BCL2L13: variants seen among roughly 807,000 people sequenced by gnomAD.
BCL2L13 encodes the protein BCL2 like 13.
Under a neutral mutation model 25.8 loss-of-function variants are expected in BCL2L13, and 13 were observed. That is an observed-to-expected ratio of 0.50 (90% CI 0.33 to 0.80). The LOEUF (loss-of-function observed/expected upper bound fraction) is 0.80, where lower values mean the gene tolerates loss of function less well. Ranked by LOEUF, BCL2L13 falls within the 30% of genes least tolerant of loss-of-function variation. The pLI is 0.02. For synonymous variants in BCL2L13, 244 were observed against 230.3 expected (o/e 1.06, Z -0.54); for missense variants, 504 against 574.9 (o/e 0.88, Z 1.26).
intron 2 of BCL2L13, among the ~76,000 whole-genome samples, chr22:17,680,440 T>G (rs1364087035): frequency 3.3e-5 from 4 of 121,426 alleles, no homozygotes; most frequent in Non-Finnish European, 6.4e-5. Flanking sequence ...ACCTGGGAGG[T>G]GGAGCTTGCA....
chr22:17,649,434 ACTTT>A (rs1700282206), intron 1 of BCL2L13, among the ~76,000 whole-genome samples: 1 of 152,014 alleles, frequency 6.6e-6, no homozygotes, highest in South Asian at 2.1e-4. Context: ...AAATGTAAAT[ACTTT>A]CTTCTTCCTG....
chr22:17,719,153 CAA>C (rs59630355), intron 6 of BCL2L13, among the ~76,000 whole-genome samples: 3 of 45,506 alleles, frequency 6.6e-5, no homozygotes, highest in Admixed American at 2.9e-4. Flanking sequence ...GGCTCTGTCT[CAA>C]AAAAAAAAAA....
Position 17,726,937 on chromosome 22 carries a change from A to G in BCL2L13, c.861A>G (p.Lys287=). 6.2e-7 allele frequency: 1 copy of G among 1,614,200 alleles called. No homozygotes were observed. ...TTGCAATGGATCCTGAAGAAGTGAAAAGCTTAGACAGCAACGGAGCTGGAG... is the reference window on the plus strand; with the variant it reads ...TTGCAATGGATCCTGAAGAAGTGAAGAGCTTAGACAGCAACGGAGCTGGAG... The part of the protein sequence containing the change: ...QQIAMDPEEV[K]SLDSNGAGEK... Residue 287 remains lysine, a synonymous_variant, in exon 7 of 7, where the codon AAA becomes AAG. Coordinates refer to ENST00000317582, the MANE Select transcript of BCL2L13 (RefSeq NM_015367.4).
intron 1 of BCL2L13, among the ~76,000 whole-genome samples, chr22:17,651,626 C>T (rs2058691219): frequency 6.6e-6 from 1 of 151,522 alleles, no homozygotes; most frequent in South Asian, 2.1e-4. Context: ...ATATGATCTA[C>T]CTGCCTCAGG....
chr22:17,714,876 G>A (rs1321252767), intron 6 of BCL2L13, among the ~76,000 whole-genome samples: 1 of 151,658 alleles, frequency 6.6e-6, no homozygotes, highest in East Asian at 1.9e-4. Flanking sequence ...TGTTCTGGCC[G>A]GGCATGGTGG....
intron 6 of BCL2L13, among the ~76,000 whole-genome samples, chr22:17,719,915 A>C (rs2061064048): frequency 6.6e-6 from 1 of 152,090 alleles, no homozygotes; most frequent in South Asian, 2.1e-4. Flanking sequence ...AAGTGGAAGC[A>C]GCCAGATACA....
At chr22:17,671,519 A>G (rs2587068) in intron 2 of BCL2L13, among the ~76,000 whole-genome samples, 3 of 149,920 alleles carry the variant, frequency 2.0e-5, no homozygotes, top group African/African-American at 4.9e-5. Flanking sequence ...GTGAGTTGAG[A>G]TCGCGCCATG....
intron 3 of BCL2L13, among the ~76,000 whole-genome samples, chr22:17,686,455 T>G (rs5747328): frequency 2.6e-5 from 4 of 151,218 alleles, no homozygotes; most frequent in Admixed American, 6.6e-5. Context: ...TTAAAAAAAA[T>G]GAAATGTACA....
intron 6 of BCL2L13, among the ~76,000 whole-genome samples, chr22:17,715,154 ATATATATATATATATATTTTTTTTTTTT>A (rs2060898988): frequency 3.7e-4 from 2 of 5,388 alleles, no homozygotes; most frequent in Non-Finnish European, 6.1e-4. Flanking sequence ...ATATATATAT[ATATATATATATATATATTTTTTTTTTTT>A]TTTTTTTTTT....
intron 3 of BCL2L13, among the ~76,000 whole-genome samples, chr22:17,686,467 A>G (rs2059941363): frequency 6.6e-6 from 1 of 151,896 alleles, no homozygotes; most frequent in South Asian, 2.1e-4. Context: ...AAATGTACAA[A>G]TAATCCTGAA....
At chr22:17,693,372 G>GTTTGGTTGT (rs1284865411) in intron 4 of BCL2L13, among the ~76,000 whole-genome samples, 7 of 70,612 alleles carry the variant, frequency 9.9e-5, no homozygotes, top group African/African-American at 3.6e-4. Context: ...TTTAGTGTTT[G>GTTTGGTTGT]TTTTTTTTTT....
rs1404090330 is a variant in BCL2L13, at chr22:17,729,240, A to T, written c.*1706A>T. The stretch of plus-strand genomic sequence containing the variant: ...ATTGGTCAAAACAAGGTCTGGGAGT[A>T]TGTTTGTGTGTCTTTCCAGCTTTAT... On this transcript the variant is annotated 3_prime_UTR_variant, in exon 7 of 7. Coordinates refer to ENST00000317582, the MANE Select transcript of BCL2L13 (RefSeq NM_015367.4). 1 of 152,098 alleles carries T rather than the reference A, an allele frequency of 6.6e-6. No individual in the cohort carries two copies. The highest frequency in any genetic ancestry group is 2.4e-5 in the African/African-American group (1 of 41,414). 9.4% of individuals were successfully genotyped at this position (152,098 alleles called of 1,614,324 possible).
intron 1 of BCL2L13, among the ~76,000 whole-genome samples, chr22:17,647,840 A>G (rs1456215805): frequency 6.6e-6 from 1 of 152,204 alleles, no homozygotes; most frequent in Non-Finnish European, 1.5e-5. Flanking sequence ...TAGAAATGCC[A>G]AAGTCCCTCC....
chr22:17,685,825 G>T (rs1398334493), intron 3 of BCL2L13, among the ~76,000 whole-genome samples: 23 of 119,504 alleles, frequency 1.9e-4, no homozygotes, highest in African/African-American at 3.5e-4. Flanking sequence ...AGGCTGGAGT[G>T]CAGTGGCGGG....
At chr22:17,670,589 G>T (rs2059386011) in intron 2 of BCL2L13, among the ~76,000 whole-genome samples, 1 of 151,922 alleles carries the variant, frequency 6.6e-6, no homozygotes, top group African/African-American at 2.4e-5. Flanking sequence ...GGTCAGGCTG[G>T]TCTCAAGCCC....
chr22:17,666,263 G>T (rs1177208406), intron 2 of BCL2L13, among the ~76,000 whole-genome samples: 3 of 150,132 alleles, frequency 2.0e-5, no homozygotes, highest in South Asian at 2.1e-4. Flanking sequence ...ATATTTATGG[G>T]GTACATAAGA....
chr22:17,650,526 C>G (rs1263274817), intron 1 of BCL2L13, among the ~76,000 whole-genome samples: 1 of 152,102 alleles, frequency 6.6e-6, no homozygotes, highest in African/African-American at 2.4e-5. Context: ...TGTCCCAGCA[C>G]TGAGAATCAC....
intron 6 of BCL2L13, among the ~76,000 whole-genome samples, chr22:17,715,154 ATATATATATATATATATTTTTTTTTTT>A (rs1569007976): frequency 1.9e-3 from 10 of 5,382 alleles, no homozygotes; most frequent in South Asian, 0.013. Context: ...ATATATATAT[ATATATATATATATATATTTTTTTTTTT>A]TTTTTTTTTT....
chr22:17,702,137 A>C (rs531515424), intron 5 of BCL2L13, 106 bp from the exon 6 acceptor site: 34 of 913,462 alleles, frequency 3.7e-5, no homozygotes, highest in Non-Finnish European at 5.2e-5. Context: ...TGAAAATAAA[A>C]ATACCTTAAT....
Sources: gnomAD v4.1 joint callset for allele counts (sites outside exome capture counted in the v4.1 genomes callset) on GRCh38, gnomAD v4.1.1 for gene constraint, MANE v1.5 for transcripts, NCBI Gene and HGNC (gene_info 2026-07-23, HGNC 2026-07-21) for gene names.